The following MATCAP2 variants were observed in gnomAD, a reference collection of about 807,000 sequenced individuals.
MATCAP2 encodes putative tyrosine carboxypeptidase MATCAP2.
the MATCAP2 span, chr7:36,367,079 G>A: frequency 1.6e-6 from 2 of 1,263,932 alleles, no homozygotes; most frequent in Non-Finnish European, 2.0e-6. Flanking sequence ...CCTGGAGCAG[G>A]ATAAGGAGGG....
chr7:36,373,626 G>A, the MATCAP2 span, among the ~76,000 whole-genome samples: 1 of 152,012 alleles, frequency 6.6e-6, no homozygotes, highest in African/African-American at 2.4e-5. Context: ...AAAATTTTTT[G>A]TAGAGATGGG....
the MATCAP2 span, among the ~76,000 whole-genome samples, chr7:36,388,615 G>T: frequency 6.6e-6 from 1 of 152,142 alleles, no homozygotes; most frequent in South Asian, 2.1e-4. Flanking sequence ...TGTTATAGAA[G>T]AAATGAATCT....
chr7:36,389,401 C>T, the MATCAP2 span, among the ~76,000 whole-genome samples: 2 of 150,374 alleles, frequency 1.3e-5, no homozygotes, highest in South Asian at 2.1e-4. Flanking sequence ...CTCACTCTGC[C>T]GCCCAGGCTG....
chr7:36,371,101 T>C, the MATCAP2 span, among the ~76,000 whole-genome samples: 6 of 151,838 alleles, frequency 4.0e-5, no homozygotes, highest in Non-Finnish European at 1.5e-5. Flanking sequence ...AGAACGTATT[T>C]ATTTTATTTC....
At chr7:36,389,894 A>T in the MATCAP2 span, 1 of 1,524,460 alleles carries the variant, frequency 6.6e-7, no homozygotes, top group Middle Eastern at 1.8e-4. Context: ...AGGAGAGGAC[A>T]GCTGGTTGTG....
At chr7:36,372,892 G>A in the MATCAP2 span, among the ~76,000 whole-genome samples, 3 of 152,148 alleles carry the variant, frequency 2.0e-5, no homozygotes, top group Non-Finnish European at 4.4e-5. Context: ...ATCACCTGAG[G>A]TCAGAAGTTC....
At chr7:36,384,135 A>C in the MATCAP2 span, among the ~76,000 whole-genome samples, 1 of 152,096 alleles carries the variant, frequency 6.6e-6, no homozygotes, top group Non-Finnish European at 1.5e-5. Flanking sequence ...CCCTGCTTTC[A>C]AATTTTTGTG....
At chr7:36,389,872 C>G in the MATCAP2 span, 3 of 1,373,156 alleles carry the variant, frequency 2.2e-6, no homozygotes, top group East Asian at 2.4e-5. Context: ...GAGTCCGTCA[C>G]TGGAAGCCGA....
At chr7:36,370,831 C>G in the MATCAP2 span, among the ~76,000 whole-genome samples, 1 of 152,108 alleles carries the variant, frequency 6.6e-6, no homozygotes, top group African/African-American at 2.4e-5. Context: ...TGTCCTTCAC[C>G]CTTTTTAAAG....
At chr7:36,378,572 G>A in the MATCAP2 span, among the ~76,000 whole-genome samples, 1 of 152,236 alleles carries the variant, frequency 6.6e-6, no homozygotes, top group Non-Finnish European at 1.5e-5. Context: ...ACTTGAGGGG[G>A]CAGTCTGTCT....
chr7:36,326,904 A>G, the MATCAP2 span: 11 of 1,607,732 alleles, frequency 6.8e-6, no homozygotes, highest in East Asian at 2.5e-4. Flanking sequence ...AGCGATCCAC[A>G]TCTTCATAAG....
the MATCAP2 span, chr7:36,355,920 T>C: frequency 6.6e-6 from 1 of 152,258 alleles, no homozygotes; most frequent in Admixed American, 6.5e-5. Flanking sequence ...AAATGTATTA[T>C]AGCCCTGTAA....
the MATCAP2 span, chr7:36,389,707 G>C: frequency 3.4e-6 from 1 of 293,468 alleles, no homozygotes; most frequent in Non-Finnish European, 6.2e-6. Flanking sequence ...GGCTGGGAGG[G>C]GGCCGGGAAG....
At chr7:36,381,938 A>G in the MATCAP2 span, among the ~76,000 whole-genome samples, 1 of 152,202 alleles carries the variant, frequency 6.6e-6, no homozygotes, top group Non-Finnish European at 1.5e-5. Context: ...GAAGATCACT[A>G]AATTCATGAC....
chr7:36,337,098 C>CAAAAAAAAAA, the MATCAP2 span, among the ~76,000 whole-genome samples: 1,241 of 18,520 alleles, frequency 0.067, 419 homozygotes, highest in South Asian at 0.14. Context: ...AACTCCATCT[C>CAAAAAAAAAA]AAAAAAAAAA....
chr7:36,384,154 C>A, the MATCAP2 span, among the ~76,000 whole-genome samples: 1 of 152,040 alleles, frequency 6.6e-6, no homozygotes, highest in South Asian at 2.1e-4. Context: ...TGTTTTTCAG[C>A]CTTTTTATCA....
At chr7:36,375,802 C>T in the MATCAP2 span, among the ~76,000 whole-genome samples, 3 of 152,152 alleles carry the variant, frequency 2.0e-5, no homozygotes, top group Admixed American at 1.3e-4. Flanking sequence ...CAACTTCTTC[C>T]TGGTTTAGTC....
At chr7:36,351,645 G>C in the MATCAP2 span, among the ~76,000 whole-genome samples, 1 of 151,790 alleles carries the variant, frequency 6.6e-6, no homozygotes, top group Non-Finnish European at 1.5e-5. Flanking sequence ...TTCCATTAAG[G>C]TAGTAAAAAA....
the MATCAP2 span, among the ~76,000 whole-genome samples, chr7:36,359,770 C>G: frequency 6.6e-6 from 1 of 152,132 alleles, no homozygotes; most frequent in African/African-American, 2.4e-5. Flanking sequence ...TTACGTGTTG[C>G]CAACTAACAG....
Sources: allele counts gnomAD v4.1 joint callset (sites outside exome capture counted in the v4.1 genomes callset), GRCh38; gene constraint gnomAD v4.1.1; transcripts MANE v1.5; gene names NCBI Gene and HGNC (gene_info 2026-07-23, HGNC 2026-07-21).